Variants in PAK1 observed in about 807,000 individuals in gnomAD.
PAK1 encodes the protein serine/threonine-protein kinase PAK 1.
Under a neutral mutation model 67.4 loss-of-function variants are expected in PAK1, and 29 were observed. The observed-to-expected ratio is 0.43, with a 90% CI of 0.32 to 0.59. PAK1 has a LOEUF of 0.59. PAK1 is among the 20% of genes least tolerant of loss of function. The pLI is 0.07. For synonymous variants in PAK1, 223 were observed against 237.4 expected (o/e 0.94, Z 0.56); for missense variants, 337 against 670.7 (o/e 0.50, Z 5.50).
chr11:77,367,624 A>G (rs1205743608), intron 5 of PAK1, among the ~76,000 whole-genome samples: 2 of 152,250 alleles, frequency 1.3e-5, no homozygotes, highest in Non-Finnish European at 2.9e-5. Context: ...TCTTCAGAAT[A>G]AAAACCAACG....
At chr11:77,372,348 C>G (rs868052608) in intron 5 of PAK1, among the ~76,000 whole-genome samples, 1 of 152,134 alleles carries the variant, frequency 6.6e-6, no homozygotes, top group Non-Finnish European at 1.5e-5. Context: ...GAATCAGATG[C>G]CTATTGCCAT....
chr11:77,428,969 T>C (rs904466322), intron 1 of PAK1, among the ~76,000 whole-genome samples: 4 of 148,484 alleles, frequency 2.7e-5, no homozygotes, highest in African/African-American at 1.0e-4. Flanking sequence ...TCATTATGTC[T>C]ATGAGAAGGC....
intron 14 of PAK1, 85 bp downstream of exon 14, chr11:77,332,645 A>G (rs541510457): frequency 9.2e-7 from 1 of 1,083,252 alleles, no homozygotes; most frequent in South Asian, 1.4e-5. Flanking sequence ...GTTCTATAAT[A>G]TCCAGTACCT....
intron 1 of PAK1, among the ~76,000 whole-genome samples, chr11:77,417,101 C>T (rs1419828996): frequency 1.3e-5 from 2 of 152,176 alleles, no homozygotes; most frequent in Non-Finnish European, 2.9e-5. Flanking sequence ...TCATCACTGA[C>T]TGAATCATCA....
the PAK1 span, among the ~76,000 whole-genome samples, chr11:77,482,252 G>C: frequency 6.8e-6 from 1 of 146,868 alleles, no homozygotes; most frequent in South Asian, 2.3e-4. Context: ...GCTTCCCAAA[G>C]TGCTGGGATT....
At chr11:77,494,162 T>G in the PAK1 span, among the ~76,000 whole-genome samples, 1 of 152,092 alleles carries the variant, frequency 6.6e-6, no homozygotes, top group Non-Finnish European at 1.5e-5. Flanking sequence ...CACAAATACA[T>G]GAAGTTCAAA....
chr11:77,521,347 T>C, the PAK1 span, among the ~76,000 whole-genome samples: 1 of 151,996 alleles, frequency 6.6e-6, no homozygotes, highest in African/African-American at 2.4e-5. Flanking sequence ...CTGACCAACA[T>C]GGAGAAACCC....
intron 1 of PAK1, among the ~76,000 whole-genome samples, chr11:77,429,692 A>G (rs1432121688): frequency 6.6e-6 from 1 of 152,252 alleles, no homozygotes; most frequent in Admixed American, 6.5e-5. Context: ...AAAGTTAAGG[A>G]AAGACCGAGG....
intron 8 of PAK1, among the ~76,000 whole-genome samples, chr11:77,350,858 A>T (rs748568570): frequency 5.9e-5 from 9 of 152,116 alleles, no homozygotes; most frequent in Non-Finnish European, 1.2e-4. Flanking sequence ...TCCTGCCCCT[A>T]GCTATCTTCT....
chr11:77,509,237 G>A, the PAK1 span, among the ~76,000 whole-genome samples: 58 of 151,658 alleles, frequency 3.8e-4, 1 homozygote, highest in South Asian at 0.01. Context: ...CAGCCTGGGC[G>A]ACTGAGCGAG....
At chr11:77,465,121 A>G (rs1291297683) in intron 1 of PAK1, among the ~76,000 whole-genome samples, 1 of 152,154 alleles carries the variant, frequency 6.6e-6, no homozygotes, top group Non-Finnish European at 1.5e-5. Context: ...GCAAGTGGCA[A>G]TGGATAGTAA....
intron 1 of PAK1, among the ~76,000 whole-genome samples, chr11:77,396,056 A>T (rs1337114143): frequency 6.6e-6 from 1 of 152,166 alleles, no homozygotes; most frequent in African/African-American, 2.4e-5. Flanking sequence ...CATTGAATGT[A>T]ACTCCATTTC....
At chr11:77,427,250 C>T (rs1592430802) in intron 1 of PAK1, among the ~76,000 whole-genome samples, 1 of 152,200 alleles carries the variant, frequency 6.6e-6, no homozygotes, top group East Asian at 1.9e-4. Flanking sequence ...AGACACATAT[C>T]ACAATGCTGG....
At chr11:77,358,042 C>T (rs902123630) in intron 6 of PAK1, among the ~76,000 whole-genome samples, 4 of 152,154 alleles carry the variant, frequency 2.6e-5, no homozygotes, top group Non-Finnish European at 5.9e-5. Flanking sequence ...AAGTTCTCAT[C>T]CTAATAGGTC....
chr11:77,524,416 C>CCT, the PAK1 span, among the ~76,000 whole-genome samples: 1 of 152,214 alleles, frequency 6.6e-6, no homozygotes, highest in South Asian at 2.1e-4. Context: ...TCCTAGCATG[C>CCT]CTCATGCCAC....
intron 2 of PAK1, among the ~76,000 whole-genome samples, chr11:77,391,741 TTCA>T (rs2137419616): frequency 6.6e-6 from 1 of 152,336 alleles, no homozygotes; most frequent in South Asian, 2.1e-4. Context: ...ATCACCACTA[TTCA>T]TCATATGATT....
chr11:77,383,279 C>T (rs915683323), intron 2 of PAK1, among the ~76,000 whole-genome samples: 2 of 150,016 alleles, frequency 1.3e-5, no homozygotes, highest in Non-Finnish European at 3.0e-5. Context: ...GTAAAAGGAA[C>T]GGGGAAATCT....
At chr11:77,475,837 C>G (rs1958053976), upstream of PAK1, 1 of 152,210 alleles carries the variant, frequency 6.6e-6, no homozygotes, top group South Asian at 2.1e-4. Flanking sequence ...GCACCTAAAA[C>G]AGTGCTTGAC....
chr11:77,447,804 G>A (rs1018771427), intron 1 of PAK1, among the ~76,000 whole-genome samples: 1 of 152,174 alleles, frequency 6.6e-6, no homozygotes, highest in Non-Finnish European at 1.5e-5. Context: ...GGGATTACAG[G>A]CGTGAGCCAC....
Sources: allele counts gnomAD v4.1 joint callset (sites outside exome capture counted in the v4.1 genomes callset), GRCh38; gene constraint gnomAD v4.1.1; transcripts MANE v1.5; gene names NCBI Gene and HGNC (gene_info 2026-07-23, HGNC 2026-07-21).